Variants in WDR1 observed in about 807,000 individuals in gnomAD.
WDR1 encodes WD repeat-containing protein 1.
A neutral mutation model predicts 71.9 loss-of-function variants in WDR1; 21 were observed. The observed-to-expected ratio is 0.29, with a 90% CI of 0.21 to 0.42. The LOEUF (loss-of-function observed/expected upper bound fraction) is 0.42. Among genes scored for constraint, WDR1 ranks in the 10% least tolerant of loss-of-function variants. WDR1 has a pLI of 1.00. For missense variants in WDR1, 696 were observed against 824.5 expected (o/e 0.84, Z 1.91); for synonymous variants, 424 against 347.4 (o/e 1.22, Z -2.45).
chr4:10,077,140 G>C (rs976297536), intron 14 of WDR1, 164 bp downstream of exon 14: 1 of 1,011,974 alleles, frequency 9.9e-7, no homozygotes, highest in Non-Finnish European at 1.4e-6. Flanking sequence ...AGCGCAGCTG[G>C]TGTTTGCTGG....
chr4:10,087,997 CCCAAAAAG>C (rs1711697824), intron 7 of WDR1, 57 bp from the exon 8 acceptor site: 1 of 1,469,038 alleles, frequency 6.8e-7, no homozygotes, highest in Non-Finnish European at 9.2e-7. Flanking sequence ...GGAGAGAGAC[CCCAAAAAG>C]CAGCTTGTCC....
At chr4:10,088,785 GA>G in intron 5 of WDR1, 44 bp from the exon 6 acceptor site, 1 of 1,452,152 alleles carries the variant, frequency 6.9e-7, no homozygotes, top group Non-Finnish European at 9.5e-7. Context: ...CCGCAGGCCT[GA>G]CTCTAGGTTC....
intron 5 of WDR1, chr4:10,092,418 G>A (rs34517659): frequency 0.039 from 5,942 of 152,730 alleles, 159 homozygotes; most frequent in South Asian, 0.071. Context: ...TCCCAGAAGC[G>A]AGGACATTCC....
At position 10,087,891 on chromosome 4, in the gene WDR1, T is replaced by C. The variant is rs747835462; in HGVS notation, c.767A>G (p.Lys256Arg). The change falls in exon 8 of 15, where the codon AAA becomes AGA. Residue 256 changes from lysine to arginine, a missense_variant. Lys to Arg is a conservative substitution (Grantham distance 26). Transcript: ENST00000499869. Reference protein sequence around the residue: ...STHLLSASGDKTSKIWDVSVN... With the variant: ...STHLLSASGDRTSKIWDVSVN... The stretch of plus-strand genomic sequence containing the variant: ...GCTGACGTCCCAAATCTTGGAAGTT[T>C]TGTCCCCAGAAGCAGAAAGCAAATG... 3 of 1,563,582 alleles carry C rather than the reference T, an allele frequency of 1.9e-6. No homozygotes were observed. Among genetic ancestry groups the C allele is most frequent in the South Asian group, 2.4e-5 (2 of 84,872 alleles).
At chr4:10,116,416 C>G (rs898547283) in intron 1 of WDR1, 182 bp from the exon 2 acceptor site, 2 of 977,090 alleles carry the variant, frequency 2.0e-6, no homozygotes, top group Admixed American at 3.2e-5. Context: ...CGGGCCAGGC[C>G]CTTGGGGGCA....
At chr4:10,102,072 G>A (rs766332246) in intron 3 of WDR1, among the ~76,000 whole-genome samples, 2 of 152,002 alleles carry the variant, frequency 1.3e-5, no homozygotes, top group Admixed American at 6.5e-5. Context: ...TCAGCTGACC[G>A]CCAACAGCAG....
At chr4:10,101,485 C>G (rs981811732) in intron 3 of WDR1, among the ~76,000 whole-genome samples, 1 of 152,204 alleles carries the variant, frequency 6.6e-6, no homozygotes, top group Non-Finnish European at 1.5e-5. Context: ...TCGCTCTATT[C>G]AAAGAAATGT....
intron 8 of WDR1, among the ~76,000 whole-genome samples, chr4:10,085,076 C>A (rs1187475778): frequency 1.3e-5 from 2 of 152,232 alleles, no homozygotes; most frequent in East Asian, 3.9e-4. Flanking sequence ...CCCTAACCTC[C>A]CTGACTGCTG....
intron 1 of WDR1, 64 bp from the exon 2 acceptor site, chr4:10,116,298 A>G (rs1713722113): frequency 2.5e-6 from 4 of 1,606,608 alleles, no homozygotes; most frequent in Non-Finnish European, 3.4e-6. Context: ...GACAGAAGGG[A>G]GAAGGAGCCC....
chr4:10,098,900 C>G, intron 4 of WDR1, 92 bp downstream of exon 4: 5 of 1,561,362 alleles, frequency 3.2e-6, no homozygotes, highest in Non-Finnish European at 3.5e-6. Flanking sequence ...CAAGTTAGTA[C>G]AGACATCAGC....
chr4:10,079,984 G>C (rs1399077045), intron 11 of WDR1, among the ~76,000 whole-genome samples: 1 of 150,362 alleles, frequency 6.7e-6, no homozygotes, highest in Non-Finnish European at 1.5e-5. Flanking sequence ...CTAACTCTTT[G>C]ACTGGTGACA....
chr4:10,083,628 A>G, intron 9 of WDR1: 1 of 485,350 alleles, frequency 2.1e-6, no homozygotes, highest in Non-Finnish European at 4.1e-6. Context: ...TGTCCACACA[A>G]AAGGCAGTCT....
At chr4:10,105,284 T>C (rs1364463022) in intron 2 of WDR1, among the ~76,000 whole-genome samples, 1 of 152,218 alleles carries the variant, frequency 6.6e-6, no homozygotes, top group Non-Finnish European at 1.5e-5. Flanking sequence ...TGCTGTGCCC[T>C]GCTTAACATG....
At chr4:10,086,756 C>T (rs527497924) in intron 8 of WDR1, among the ~76,000 whole-genome samples, 1 of 152,332 alleles carries the variant, frequency 6.6e-6, no homozygotes, top group South Asian at 2.1e-4. Flanking sequence ...CCGAGAAGGG[C>T]TGCTGGGATG....
chr4:10,088,577 C>G (rs1267591298), intron 6 of WDR1, 87 bp downstream of exon 6: 12 of 1,272,842 alleles, frequency 9.4e-6, no homozygotes, highest in Non-Finnish European at 1.3e-5. Context: ...CATGTCAGGA[C>G]TAGCATTAGG....
intron 5 of WDR1, chr4:10,092,106 T>A (rs1712031166): frequency 6.6e-6 from 1 of 152,252 alleles, no homozygotes; most frequent in Non-Finnish European, 1.5e-5. Flanking sequence ...TGCCGCTGAC[T>A]TCGCACTGGC....
chr4:10,078,029 ACT>A, intron 12 of WDR1, 103 bp from the exon 13 acceptor site: 1 of 1,354,652 alleles, frequency 7.4e-7, no homozygotes, highest in Non-Finnish European at 9.9e-7. Flanking sequence ...TGCCGTTCCC[ACT>A]GACTGCTGCT....
chr4:10,096,798 A>C (rs1712375328), intron 5 of WDR1, among the ~76,000 whole-genome samples: 1 of 22,380 alleles, frequency 4.5e-5, no homozygotes, highest in African/African-American at 8.0e-5. Flanking sequence ...CGGTTCCAAG[A>C]GGAGTCCCGA....
rs79813373 is a variant in WDR1, at chr4:10,103,145, C to T, written c.229+751G>A. On this transcript the variant is annotated intron_variant, in intron 3 of 14. Transcript: ENST00000499869. ...CTGAGCCACACAAAAGCCCAGGCTG[C>T]AGAGAGCAAAGGCCCAGTGTACAAA... Among the ~76,000 whole-genome samples the T allele has an allele frequency of 4.0e-3, 611 of 152,308 alleles. 4 individuals carry two copies. Among genetic ancestry groups the T allele is most frequent in the Middle Eastern group, 0.027 (8 of 294 alleles).
Sources: gnomAD v4.1 joint callset for allele counts (sites outside exome capture counted in the v4.1 genomes callset) on GRCh38, gnomAD v4.1.1 for gene constraint, MANE v1.5 for transcripts, NCBI Gene and HGNC (gene_info 2026-07-23, HGNC 2026-07-21) for gene names.